The following LRMDA variants were observed in gnomAD, a reference collection of about 807,000 sequenced individuals.
LRMDA encodes leucine-rich melanocyte differentiation-associated protein.
In LRMDA, 18 loss-of-function variants were observed where a neutral mutation model predicts 29.8. The observed-to-expected ratio is 0.60, with a 90% CI of 0.42 to 0.90. LRMDA has a LOEUF of 0.90. LRMDA is among the 40% of genes least tolerant of loss of function. The pLI is 0.00. For synonymous variants in LRMDA, 125 were observed against 109.4 expected (o/e 1.14, Z -0.89); for missense variants, 273 against 273.9 (o/e 1.00, Z 0.02).
chr10:76,336,418 T>C (rs1191526885), intron 6 of LRMDA, among the ~76,000 whole-genome samples: 1 of 152,218 alleles, frequency 6.6e-6, no homozygotes, highest in Non-Finnish European at 1.5e-5. Flanking sequence ...AAATACTCTC[T>C]GCAGAAGCAT....
Position 75,586,241 on chromosome 10 carries a change from T to C in LRMDA, c.131+147747T>C, listed in dbSNP as rs372045331. Among the ~76,000 whole-genome samples the C allele has an allele frequency of 1.6e-4, 24 of 152,226 alleles. No homozygotes were observed. The East Asian group carries it at 4.4e-3, about 28-fold the overall frequency. On this transcript the variant is annotated intron_variant, in intron 2 of 6. Transcript: ENST00000611255. ...ATCATATGATAGTTCTATGTTTCAT[T>C]TTTTGAGGAACTTCTATACCTTTTT...
rs1000639822 is a variant in LRMDA, at chr10:75,555,806, A to G, written c.131+117312A>G. On this transcript the variant is annotated intron_variant, in intron 2 of 6. Transcript: ENST00000611255. ...CAATGATTTGATGAAAGTAGCTGTTATAAGTGTGCCCAAGGACATAAAGGG... is the reference window on the plus strand; with the variant it reads ...CAATGATTTGATGAAAGTAGCTGTTGTAAGTGTGCCCAAGGACATAAAGGG... 1.1e-4 allele frequency among the ~76,000 whole-genome samples: 17 copies of G among 152,334 alleles called. No homozygotes were observed. In the East Asian group the frequency reaches 2.5e-3, roughly 22 times the overall value.
At chr10:76,067,336 C>G (rs147295451) in intron 5 of LRMDA, among the ~76,000 whole-genome samples, 56 of 152,244 alleles carry the variant, frequency 3.7e-4, no homozygotes, top group African/African-American at 1.3e-3. Flanking sequence ...CTTTAGTCTG[C>G]ACATTATCAG....
At chr10:76,033,619 G>GA (rs1486109991) in intron 2 of LRMDA, among the ~76,000 whole-genome samples, 1 of 152,142 alleles carries the variant, frequency 6.6e-6, no homozygotes, top group African/African-American at 2.4e-5. Flanking sequence ...CTCATCAGAA[G>GA]AATCTAATAT....
intron 5 of LRMDA, among the ~76,000 whole-genome samples, chr10:76,252,182 C>T (rs1041712755): frequency 7.2e-5 from 11 of 152,198 alleles, no homozygotes; most frequent in African/African-American, 1.9e-4. Context: ...ACCACCAGTC[C>T]GGGAGGCCAA....
At chr10:75,881,474 T>C (rs770419895) in intron 2 of LRMDA, among the ~76,000 whole-genome samples, 22 of 152,056 alleles carry the variant, frequency 1.4e-4, no homozygotes, top group Non-Finnish European at 3.1e-4. Context: ...GCTACTCCCT[T>C]TGCAAATCTC....
chr10:75,598,753 A>G (rs1401176954), intron 2 of LRMDA, among the ~76,000 whole-genome samples: 1 of 152,180 alleles, frequency 6.6e-6, no homozygotes, highest in African/African-American at 2.4e-5. Flanking sequence ...CCTAGTATAT[A>G]GAGAAATTTG....
chr10:76,172,869 T>G (rs1850863271), intron 5 of LRMDA, among the ~76,000 whole-genome samples: 1 of 152,166 alleles, frequency 6.6e-6, no homozygotes, highest in Admixed American at 6.5e-5. Flanking sequence ...AATATTTAAA[T>G]GAATATCAGA....
chr10:76,227,257 G>T lies in LRMDA; in HGVS notation c.517-97144G>T, dbSNP rs191099642. Among the ~76,000 whole-genome samples, 6 of 152,292 alleles carry T rather than the reference G, an allele frequency of 3.9e-5. No individual in the cohort carries two copies. The East Asian group carries it at 1.2e-3, about 29-fold the overall frequency. ...AAAGTCTACCCAATAAGTAATATCA[G>T]TAAATATATCGGTAAAGTATATTGA... On this transcript the variant is annotated intron_variant, in intron 5 of 6. Coordinates refer to ENST00000611255, the MANE Select transcript of LRMDA (RefSeq NM_001305581.2).
chr10:76,100,256 G>A (rs556452220), intron 5 of LRMDA, among the ~76,000 whole-genome samples: 1 of 152,228 alleles, frequency 6.6e-6, no homozygotes, highest in East Asian at 1.9e-4. Context: ...ACATGATCAG[G>A]AAAAGTTAGG....
At position 76,016,698 on chromosome 10, in the gene LRMDA, A is replaced by T. The variant is rs138102831; in HGVS notation, c.132-19310A>T. Among the ~76,000 whole-genome samples the T allele has an allele frequency of 1.7e-3, 258 of 152,340 alleles. 3 individuals are homozygous for T. Among genetic ancestry groups the T allele is most frequent in the African/African-American group, 5.8e-3 (242 of 41,582 alleles). On this transcript the variant is annotated intron_variant, in intron 2 of 6. Transcript: ENST00000611255. ...GAAGATGGATTCAAGTGTGAACTTC[A>T]GATAAATAGTGTGCTGTACTTTTAT...
intron 2 of LRMDA, among the ~76,000 whole-genome samples, chr10:75,484,337 AC>A (rs898968369): frequency 5.1e-4 from 77 of 149,880 alleles, no homozygotes; most frequent in African/African-American, 1.7e-3. Context: ...CCTCTTAAAA[AC>A]CCCCCCTTAG....
intron 2 of LRMDA, among the ~76,000 whole-genome samples, chr10:75,599,110 T>C (rs1840846855): frequency 6.6e-6 from 1 of 151,760 alleles, no homozygotes; most frequent in South Asian, 2.1e-4. Flanking sequence ...AAAAAATTAA[T>C]CTAAGATTTC....
chr10:75,531,323 G>A (rs893466627), intron 2 of LRMDA, among the ~76,000 whole-genome samples: 4 of 152,158 alleles, frequency 2.6e-5, no homozygotes, highest in Admixed American at 6.5e-5. Flanking sequence ...AGGATGAGGC[G>A]TTATTCCAAA....
chr10:75,522,373 G>A (rs1479115290), intron 2 of LRMDA, among the ~76,000 whole-genome samples: 3 of 152,218 alleles, frequency 2.0e-5, no homozygotes, highest in Non-Finnish European at 4.4e-5. Context: ...AGAAGTCTCT[G>A]TGCAGAGAAC....
rs1258928559 is a variant in LRMDA, at chr10:76,364,748, G to GACTGTACCCCT, written c.601+40263_601+40264insACTGTACCCCT. ...AGTTATTGGGGTACAGGTGGTATTTGGTACATGAGTAAGTCCTTTAGTGGT... is the reference window on the plus strand; with the variant it reads ...AGTTATTGGGGTACAGGTGGTATTTGACTGTACCCCTGTACATGAGTAAGTCCTTTAGTGGT... On this transcript the variant is annotated intron_variant, in intron 6 of 6. Coordinates refer to ENST00000611255, the MANE Select transcript of LRMDA (RefSeq NM_001305581.2). 4.2e-4 allele frequency among the ~76,000 whole-genome samples: 64 copies of GACTGTACCCCT among 151,924 alleles called. 1 individual carries two copies. Among genetic ancestry groups the GACTGTACCCCT allele is most frequent in the African/African-American group, 1.2e-3 (50 of 41,458 alleles).
chr10:76,121,494 A>T (rs1340590073), intron 5 of LRMDA, among the ~76,000 whole-genome samples: 1 of 152,340 alleles, frequency 6.6e-6, no homozygotes, highest in East Asian at 1.9e-4. Flanking sequence ...TCAGATGGGG[A>T]CATGGCCCTG....
intron 2 of LRMDA, among the ~76,000 whole-genome samples, chr10:75,799,521 T>A (rs1048569970): frequency 1.1e-4 from 16 of 152,230 alleles, no homozygotes; most frequent in South Asian, 1.0e-3. Flanking sequence ...TTTTTCTTTT[T>A]TTTTTTCTTT....
At chr10:76,477,373 T>G (rs1842685494) in intron 6 of LRMDA, among the ~76,000 whole-genome samples, 1 of 152,098 alleles carries the variant, frequency 6.6e-6, no homozygotes, top group Non-Finnish European at 1.5e-5. Flanking sequence ...CAAGGAGAAC[T>G]ACAAACCACT....
Sources: allele counts gnomAD v4.1 joint callset (sites outside exome capture counted in the v4.1 genomes callset), GRCh38; gene constraint gnomAD v4.1.1; transcripts MANE v1.5; gene names NCBI Gene and HGNC (gene_info 2026-07-23, HGNC 2026-07-21).